The following NUP205 variants were observed in gnomAD, a reference collection of about 807,000 sequenced individuals.
NUP205 encodes nuclear pore complex protein Nup205.
NUP205 carries 76 observed loss-of-function variants against 253.8 expected under a neutral mutation model. The observed-to-expected ratio is 0.30, with a 90% CI of 0.25 to 0.36. NUP205 has a LOEUF of 0.36. Among genes scored for constraint, NUP205 ranks in the 10% least tolerant of loss-of-function variants. The pLI is 1.00. For missense variants in NUP205, 2,162 were observed against 2,425.5 expected (o/e 0.89, Z 2.28); for synonymous variants, 832 against 850.1 (o/e 0.98, Z 0.37).
chr7:135,622,956 G>A, intron 31 of NUP205, 31 bp downstream of exon 31: 1 of 1,602,324 alleles, frequency 6.2e-7, no homozygotes, highest in Non-Finnish European at 8.5e-7. Context: ...TATTATAATT[G>A]AATAAGTATT....
chr7:135,616,726 G>T lies in NUP205; in HGVS notation c.3532G>T (p.Val1178Leu). The T allele has an allele frequency of 6.6e-7, 1 of 1,512,026 alleles. No individual in the cohort carries two copies. The highest frequency in any genetic ancestry group is 8.9e-7 in the Non-Finnish European group (1 of 1,129,818). The allele number at this position is 1,512,026 out of a possible 1,614,324, so 93.7% of individuals were successfully genotyped here. ...GFLHFDTATKVRRKILNILDS... is the reference protein window; with the variant it reads ...GFLHFDTATKLRRKILNILDS... The stretch of plus-strand genomic sequence containing the variant: ...CCTTCACTTTGACACTGCTACAAAA[G>T]GTAATGCCCTTTGAATTTGTAATAA... The change falls in exon 25 of 43, where the codon GTA becomes TTA. Residue 1178 changes from valine (V) to leucine (L), a missense_variant and splice_region_variant. This residue lies in a region of NUP205 where 1,144 missense variants were observed against 1,280.9 expected (regional missense o/e 0.89). Transcript: ENST00000285968.
In NUP205 at chr7:135,578,017, A is replaced by G. The variant is rs1349379283; in HGVS notation, c.870A>G (p.Glu290=). The part of the protein sequence containing the change: ...DISFIEQSTE[E]RDDMIHQLPL... ...GTTTTATAGAGCAAAGCACAGAGGA[A>G]CGAGATGGTATTGAGTTTTATACAT... Residue 290 remains glutamate (E), a synonymous_variant, in exon 6 of 43, where the codon GAA becomes GAG. Coordinates refer to ENST00000285968, the MANE Select transcript of NUP205 (RefSeq NM_015135.3). The G allele has an allele frequency of 6.2e-7, 1 of 1,606,536 alleles. No homozygotes were observed. The highest frequency in any genetic ancestry group is 2.2e-5 in the East Asian group (1 of 44,806).
rs1806465582 is a variant in NUP205 at position 135,586,382 on chromosome 7, T to A, written c.1219-1193T>A. Among the ~76,000 whole-genome samples, 3 of 152,308 alleles carry A rather than the reference T, an allele frequency of 2.0e-5. No homozygotes were observed. In the South Asian group the frequency reaches 6.2e-4, roughly 32 times the overall value. On this transcript the variant is annotated intron_variant, in intron 8 of 42. Transcript: ENST00000285968. ...TTATTGATCTTTCCAGTGAATTAGC[T>A]TTTAGCTTCATTGATTTTCTTATAT...
chr7:135,589,566 G>A (rs555436463), intron 10 of NUP205, among the ~76,000 whole-genome samples: 31 of 151,400 alleles, frequency 2.0e-4, no homozygotes, highest in African/African-American at 7.3e-4. Flanking sequence ...GGGATTGTAG[G>A]CATGAGCCAC....
In NUP205 at chr7:135,648,641, G is replaced by T; in HGVS notation, c.*85G>T. The T allele has an allele frequency of 8.9e-7, 1 of 1,127,124 alleles. No homozygotes were observed. Among genetic ancestry groups the T allele is most frequent in the South Asian group, 2.9e-5 (1 of 34,530 alleles). The allele number at this position is 1,127,124 out of a possible 1,614,324, so 69.8% of individuals were successfully genotyped here. ...ATAGATTAGTTTCTTTCTAAATTAT[G>T]ACCAAAAATATTTTGCTATTTCTTT... On this transcript the variant is annotated 3_prime_UTR_variant, in exon 43 of 43. Coordinates refer to ENST00000285968, the MANE Select transcript of NUP205 (RefSeq NM_015135.3).
In NUP205 at chr7:135,638,093, G is replaced by A. The variant is rs752471047; in HGVS notation, c.5265+34G>A. ...CATGTGACTTCTCTAAGGTTTTTAT[G>A]TTTTTGGAAAATGTTGATAAAAATA... On this transcript the variant is annotated intron_variant, in intron 37 of 42. Transcript: ENST00000285968. The A allele has an allele frequency of 4.4e-6, 7 of 1,597,022 alleles. No homozygotes were observed. The South Asian group carries it at 5.6e-5, about 13-fold the overall frequency.
chr7:135,645,560 G>A lies in NUP205; in HGVS notation c.5776G>A (p.Ala1926Thr). The part of the protein sequence containing the change: ...MPTDSQDSLF[A>T]SRTLFKSRRL... The stretch of plus-strand genomic sequence containing the variant: ...CACGGATTCTCAAGATTCCTTATTT[G>A]CCTCGAGAACCTTGTTTAAAAGCAG... The change falls in exon 41 of 43, where the codon GCC (alanine) becomes ACC (threonine). Residue 1926 changes from alanine (A) to threonine (T), a missense_variant. By Grantham distance (58) the Ala-to-Thr change is moderately conservative (BLOSUM62 0). Coordinates refer to ENST00000285968, the MANE Select transcript of NUP205 (RefSeq NM_015135.3). 1.2e-6 allele frequency: 2 copies of A among 1,613,940 alleles called. No homozygotes were observed. Among genetic ancestry groups the A allele is most frequent in the African/African-American group, 1.3e-5 (1 of 74,984 alleles).
chr7:135,645,813 C>T (rs1323047509), intron 41 of NUP205: 5 of 585,966 alleles, frequency 8.5e-6, no homozygotes. Context: ...TGCTCATCAG[C>T]TGTTCCTTAG....
intron 25 of NUP205, 150 bp from the exon 26 acceptor site, chr7:135,616,940 C>T: frequency 1.5e-6 from 1 of 650,308 alleles, no homozygotes; most frequent in Non-Finnish European, 2.5e-6. Context: ...GAAATAAAAT[C>T]AAATTTAGAT....
chr7:135,573,673 A>G lies in NUP205; in HGVS notation c.191A>G (p.His64Arg), dbSNP rs745897694. 1.2e-6 allele frequency: 2 copies of G among 1,610,068 alleles called. No homozygotes were observed. Among genetic ancestry groups the G allele is most frequent in the Middle Eastern group, 1.7e-4 (1 of 6,036 alleles). Residue 64 changes from histidine (H) to arginine (R), a missense_variant, in exon 3 of 43, where the codon CAT becomes CGT. This residue lies in a region of NUP205 where 109 missense variants were observed against 131.8 expected (regional missense o/e 0.83). Coordinates refer to ENST00000285968, the MANE Select transcript of NUP205 (RefSeq NM_015135.3). Reference protein sequence around the residue: ...FKNPPKNVQQHEKVQKASTEG... With the variant: ...FKNPPKNVQQREKVQKASTEG... ...TTGTAGCCAAAAAATGTTCAACAGCATGAGAAGGTTCAGAAAGCCAGTACA... is the reference window on the plus strand; with the variant it reads ...TTGTAGCCAAAAAATGTTCAACAGCGTGAGAAGGTTCAGAAAGCCAGTACA...
At chr7:135,586,411 G>A (rs1806466469) in intron 8 of NUP205, among the ~76,000 whole-genome samples, 1 of 151,702 alleles carries the variant, frequency 6.6e-6, no homozygotes, top group Non-Finnish European at 1.5e-5. Context: ...CTTATATTTT[G>A]CTTCACCATT....
intron 1 of NUP205, among the ~76,000 whole-genome samples, chr7:135,569,321 C>G (rs1422895406): frequency 6.6e-6 from 1 of 152,232 alleles, no homozygotes; most frequent in Non-Finnish European, 1.5e-5. Flanking sequence ...GATCCGCCCG[C>G]CTTGGCCTCC....
At chr7:135,570,796 TATATTAATATATATTAATTATATTA>T (rs1344560578) in intron 1 of NUP205, among the ~76,000 whole-genome samples, 2,581 of 109,310 alleles carry the variant, frequency 0.024, 124 homozygotes, top group South Asian at 0.068. Flanking sequence ...ATTTATATAT[TATATTAATATATATTAATTATATTA>T]ATATATAAAT....
At chr7:135,584,725 G>C in intron 7 of NUP205, 107 bp from the exon 8 acceptor site, 1 of 965,320 alleles carries the variant, frequency 1.0e-6, no homozygotes, top group East Asian at 2.6e-5. Flanking sequence ...GCACATGCTA[G>C]AAGGCTGGGA....
intron 18 of NUP205, 31 bp from the exon 19 acceptor site, chr7:135,604,309 C>A: frequency 6.4e-7 from 1 of 1,567,162 alleles, no homozygotes; most frequent in Non-Finnish European, 8.6e-7. Context: ...AATTTTATCA[C>A]TGTTCCTCAA....
chr7:135,628,355 A>G (rs1189369626), intron 34 of NUP205, among the ~76,000 whole-genome samples: 1 of 152,064 alleles, frequency 6.6e-6, no homozygotes, highest in Non-Finnish European at 1.5e-5. Context: ...CAAGAGATTG[A>G]AATTTGTTCT....
intron 18 of NUP205, 126 bp from the exon 19 acceptor site, chr7:135,604,214 T>G (rs1794034547): frequency 1.4e-6 from 1 of 708,618 alleles, no homozygotes; most frequent in Non-Finnish European, 2.2e-6. Context: ...AGGGGACAGC[T>G]TTTTCTTATT....
chr7:135,618,663 A>G, intron 28 of NUP205, 60 bp downstream of exon 28: 2 of 1,396,348 alleles, frequency 1.4e-6, no homozygotes, highest in Non-Finnish European at 1.9e-6. Flanking sequence ...AAACAAATAT[A>G]TTTTGGCATC....
intron 1 of NUP205, among the ~76,000 whole-genome samples, chr7:135,567,128 GTATATATA>G (rs1163648935): frequency 4.2e-4 from 3 of 7,226 alleles, no homozygotes; most frequent in African/African-American, 1.5e-3. Context: ...GTCTATGTGT[GTATATATA>G]TATATATATA....
Sources: gnomAD v4.1 joint callset for allele counts (sites outside exome capture counted in the v4.1 genomes callset) on GRCh38, gnomAD v4.1.1 for gene constraint, gnomAD v4.1.1 regional missense constraint, MANE v1.5 for transcripts, NCBI Gene and HGNC (gene_info 2026-07-23, HGNC 2026-07-21) for gene names.